Variants in MLXIP observed in about 807,000 individuals in gnomAD.
The protein encoded by MLXIP is MLX interacting protein.
A neutral mutation model predicts 87.2 loss-of-function variants in MLXIP; 30 were observed. That is an observed-to-expected ratio of 0.34 (90% CI 0.26 to 0.47). The LOEUF (loss-of-function observed/expected upper bound fraction) is 0.47, where lower values mean the gene tolerates loss of function less well. Among genes scored for constraint, MLXIP ranks in the 20% least tolerant of loss-of-function variants. The probability of loss-of-function intolerance (pLI) is 1.00; values close to 1 mark genes in which losing one functional copy is unlikely to be tolerated. For missense variants in MLXIP, 1,002 were observed against 1,240.1 expected (o/e 0.81, Z 2.88); for synonymous variants, 530 against 514.0 (o/e 1.03, Z -0.42).
At chr12:122,125,598 C>T (rs555871714) in intron 1 of MLXIP, among the ~76,000 whole-genome samples, 192 of 152,318 alleles carry the variant, frequency 1.3e-3, no homozygotes, top group African/African-American at 4.5e-3. Flanking sequence ...TGTCTGATTC[C>T]GTAGCTGCCT....
At chr12:122,097,185 G>A (rs1392074950) in intron 1 of MLXIP, among the ~76,000 whole-genome samples, 2 of 151,866 alleles carry the variant, frequency 1.3e-5, no homozygotes, top group African/African-American at 4.8e-5. Context: ...TTTTTTGGGC[G>A]GACAGGGTCT....
intron 1 of MLXIP, among the ~76,000 whole-genome samples, chr12:122,113,260 G>GT (rs1317954608): frequency 2.6e-5 from 4 of 151,942 alleles, no homozygotes; most frequent in African/African-American, 4.8e-5. Flanking sequence ...GGATTTTTTG[G>GT]TTTTTTCTTT....
chr12:122,113,681 CTT>C (rs1173711241), intron 1 of MLXIP, among the ~76,000 whole-genome samples: 1,793 of 100,582 alleles, frequency 0.018, 22 homozygotes, highest in African/African-American at 0.067. Context: ...GCCTTCATTT[CTT>C]TTTTTTTTTT....
In MLXIP at chr12:122,133,008, A is replaced by T; in HGVS notation, c.1093-340A>T. On this transcript the variant is annotated intron_variant, in intron 8 of 16. Transcript: ENST00000319080. The surrounding 1 kb of genome is among the most constrained non-coding windows in gnomAD (Gnocchi z 4.9). ...TCCTCGGGGATTCCCGAGCAGCTGC[A>T]ATCCAGGCTGCCTCTGCTCAGTAAT... 1 of 249,740 alleles carries T rather than the reference A, an allele frequency of 4.0e-6. No individual in the cohort carries two copies. The highest frequency in any genetic ancestry group is 7.6e-6 in the Non-Finnish European group (1 of 131,184). The allele number at this position is 249,740 out of a possible 1,614,324, so 15.5% of individuals were successfully genotyped here.
At chr12:122,084,358 C>T (rs941217951) in intron 1 of MLXIP, among the ~76,000 whole-genome samples, 5 of 152,066 alleles carry the variant, frequency 3.3e-5, no homozygotes, top group South Asian at 2.1e-4. Flanking sequence ...TGCTTGTAGA[C>T]GCTGGTTGGT....
intron 1 of MLXIP, among the ~76,000 whole-genome samples, chr12:122,082,986 A>C (rs186399434): frequency 1.2e-4 from 18 of 152,188 alleles, no homozygotes; most frequent in African/African-American, 3.1e-4. Context: ...ATGCCTGGCT[A>C]ATTTTTTATT....
intron 1 of MLXIP, among the ~76,000 whole-genome samples, chr12:122,105,937 G>C (rs907097775): frequency 2.0e-5 from 3 of 152,150 alleles, no homozygotes; most frequent in African/African-American, 7.2e-5. Context: ...TATAGGTTCA[G>C]ACTATAGGTT....
At chr12:122,093,792 G>C (rs1952292731) in intron 1 of MLXIP, among the ~76,000 whole-genome samples, 1 of 135,430 alleles carries the variant, frequency 7.4e-6, no homozygotes, top group Non-Finnish European at 1.6e-5. Flanking sequence ...TGCAGTGTCT[G>C]TGTGTGTCGG....
chr12:122,141,105 T>TG (rs1448109566), intron 16 of MLXIP, 22 bp downstream of exon 16: 3 of 1,597,756 alleles, frequency 1.9e-6, no homozygotes, highest in African/African-American at 2.7e-5. Flanking sequence ...AGTGCCAGGG[T>TG]GGGGGGCTTC....
chr12:122,138,928 A>G lies in MLXIP; in HGVS notation c.2498A>G (p.Lys833Arg). 1 of 1,614,054 alleles carries G rather than the reference A, an allele frequency of 6.2e-7. No individual in the cohort carries two copies. The highest frequency in any genetic ancestry group is 8.5e-7 in the Non-Finnish European group (1 of 1,179,886). The stretch of plus-strand genomic sequence containing the variant: ...AAAACCCGGACCTTGCAGAATTGGA[A>G]GTTCTGGATTGTATCTTTGGGTTTT... Reference protein sequence around the residue: ...YVKTRTLQNWKFWIFSIIIKP... With the variant: ...YVKTRTLQNWRFWIFSIIIKP... The change falls in exon 15 of 17, where the codon AAG becomes AGG. Residue 833 changes from lysine to arginine, a missense_variant. Lys to Arg is a conservative substitution (Grantham distance 26). Coordinates refer to ENST00000319080, the MANE Select transcript of MLXIP (RefSeq NM_014938.6).
rs554311046 is a variant in MLXIP at position 122,079,639 on chromosome 12, C to T, written c.413+373C>T. Among the ~76,000 whole-genome samples the T allele has an allele frequency of 1.2e-3, 178 of 152,358 alleles. 1 individual carries two copies. Among genetic ancestry groups the T allele is most frequent in the African/African-American group, 3.7e-3 (155 of 41,584 alleles). On this transcript the variant is annotated intron_variant, in intron 1 of 16. Coordinates refer to ENST00000319080, the MANE Select transcript of MLXIP (RefSeq NM_014938.6). ...TGTTTCCCCCATATCCAGCAGCGGT[C>T]AGGACCACCTGTTCGGGGTGACTGG...
At chr12:122,094,996 G>C (rs888565021) in intron 1 of MLXIP, among the ~76,000 whole-genome samples, 1 of 105,658 alleles carries the variant, frequency 9.5e-6, no homozygotes, top group Non-Finnish European at 2.2e-5. Context: ...ATGTGTGTGC[G>C]GTGTCTGTGT....
In MLXIP at chr12:122,137,523, C is replaced by G; in HGVS notation, c.2087C>G (p.Pro696Arg). Residue 696 changes from proline to arginine, a missense_variant, in exon 12 of 17, where the codon CCC (proline) becomes CGC (arginine). By Grantham distance (103) the Pro-to-Arg change is moderately radical. Coordinates refer to ENST00000319080, the MANE Select transcript of MLXIP (RefSeq NM_014938.6). The surrounding 1 kb of genome is among the most constrained non-coding windows in gnomAD (Gnocchi z 4.1). ...TCTCCGTGTGCATCGGAGCAGAGCC[C>G]CAGTCCTCAATCTCCCCAGAACAAC... ...QASPCASEQS[P>R]SPQSPQNNCS... is the part of the protein sequence containing the mutation. The G allele has an allele frequency of 6.2e-7, 1 of 1,613,992 alleles. No homozygotes were observed. Among genetic ancestry groups the G allele is most frequent in the East Asian group, 2.2e-5 (1 of 44,882 alleles).
At chr12:122,107,234 C>T (rs1316962063) in intron 1 of MLXIP, among the ~76,000 whole-genome samples, 2 of 152,028 alleles carry the variant, frequency 1.3e-5, no homozygotes, top group African/African-American at 2.4e-5. Context: ...GGTGACAGGA[C>T]AGCTGTGAAA....
At chr12:122,089,009 CAAA>C (rs1177216284) in intron 1 of MLXIP, among the ~76,000 whole-genome samples, 3 of 47,838 alleles carry the variant, frequency 6.3e-5, no homozygotes, top group Admixed American at 4.3e-4. Context: ...CCCATCTCTA[CAAA>C]AAAAAAAAAA....
At chr12:122,079,376 G>T in intron 1 of MLXIP, 110 bp downstream of exon 1, 1 of 956,512 alleles carries the variant, frequency 1.0e-6, no homozygotes, top group Non-Finnish European at 1.6e-6. Flanking sequence ...CATTCCCTTT[G>T]GGTCTTCCTC....
chr12:122,128,818 G>A (rs925914299), intron 3 of MLXIP: 4 of 267,830 alleles, frequency 1.5e-5, no homozygotes, highest in Non-Finnish European at 7.2e-6. Context: ...GGGGGCTTGG[G>A]AATTGCTGCA....
chr12:122,098,740 G>T (rs1379375707), intron 1 of MLXIP, among the ~76,000 whole-genome samples: 4 of 152,232 alleles, frequency 2.6e-5, no homozygotes, highest in African/African-American at 9.6e-5. Context: ...GCTTGACAAA[G>T]CCATCATTGT....
At chr12:122,112,720 A>G (rs1313095431) in intron 1 of MLXIP, among the ~76,000 whole-genome samples, 5 of 152,120 alleles carry the variant, frequency 3.3e-5, no homozygotes, top group African/African-American at 4.8e-5. Flanking sequence ...ATATGTATCT[A>G]TGGGAAGGGG....
Sources: allele counts gnomAD v4.1 joint callset (sites outside exome capture counted in the v4.1 genomes callset), GRCh38; gene constraint gnomAD v4.1.1; non-coding constraint Gnocchi (gnomAD v3.1); transcripts MANE v1.5; gene names NCBI Gene and HGNC (gene_info 2026-07-23, HGNC 2026-07-21).